NTM: variants seen among roughly 807,000 people sequenced by gnomAD.
The protein encoded by NTM is IgLON family member 2.
A neutral mutation model predicts 42.1 loss-of-function variants in NTM; 13 were observed. That is an observed-to-expected ratio of 0.31 (90% CI 0.20 to 0.49). NTM has a LOEUF of 0.49. Among genes scored for constraint, NTM ranks in the 20% least tolerant of loss-of-function variants. The pLI is 0.99. For missense variants in NTM, 373 were observed against 452.8 expected, an observed-to-expected ratio of 0.82 and a Z score of 1.60; for synonymous variants, 187 against 179.2, an observed-to-expected ratio of 1.04 and a Z score of -0.35.
chr11:131,738,393 T>G (rs943298937), intron 1 of NTM, among the ~76,000 whole-genome samples: 1 of 152,222 alleles, frequency 6.6e-6, no homozygotes, highest in Non-Finnish European at 1.5e-5. Flanking sequence ...CTCTACACAT[T>G]TCCCATTACC....
intron 1 of NTM, among the ~76,000 whole-genome samples, chr11:131,451,919 G>A (rs973993643): frequency 1.3e-5 from 2 of 152,110 alleles, no homozygotes; most frequent in African/African-American, 4.8e-5. Flanking sequence ...GTGGAGGGAG[G>A]GGCATGAGGC....
At chr11:131,964,365 A>G (rs2062574394) in intron 2 of NTM, among the ~76,000 whole-genome samples, 1 of 152,152 alleles carries the variant, frequency 6.6e-6, no homozygotes, top group Non-Finnish European at 1.5e-5. Context: ...GTGTATTTTT[A>G]ACTAAAATAT....
At chr11:131,731,072 A>G (rs1199433908) in intron 1 of NTM, among the ~76,000 whole-genome samples, 1 of 152,054 alleles carries the variant, frequency 6.6e-6, no homozygotes, top group South Asian at 2.1e-4. Flanking sequence ...TTCTCTTATG[A>G]TTTTTTATGC....
At chr11:132,190,421 G>T (rs1300772634) in intron 3 of NTM, among the ~76,000 whole-genome samples, 1 of 152,088 alleles carries the variant, frequency 6.6e-6, no homozygotes, top group African/African-American at 2.4e-5. Flanking sequence ...AAGGCCTGAA[G>T]GTTCTTAACC....
At chr11:131,887,644 C>T (rs1452764560) in intron 1 of NTM, among the ~76,000 whole-genome samples, 2 of 152,348 alleles carry the variant, frequency 1.3e-5, no homozygotes, top group Admixed American at 6.5e-5. Flanking sequence ...TAGATGGACT[C>T]ATCTTCAAAA....
At chr11:131,552,699 T>G (rs937117695) in intron 1 of NTM, among the ~76,000 whole-genome samples, 1 of 150,536 alleles carries the variant, frequency 6.6e-6, no homozygotes, top group Admixed American at 6.7e-5. Context: ...GCGCCTGTAG[T>G]CCCAGCAACA....
chr11:131,573,946 G>A (rs182772854), intron 1 of NTM, among the ~76,000 whole-genome samples: 4 of 152,288 alleles, frequency 2.6e-5, no homozygotes, highest in Admixed American at 2.0e-4. Context: ...CCCATCACAT[G>A]AGCCACAGCA....
At chr11:131,639,028 G>A (rs1301442274) in intron 1 of NTM, among the ~76,000 whole-genome samples, 2 of 152,184 alleles carry the variant, frequency 1.3e-5, no homozygotes, top group African/African-American at 2.4e-5. Flanking sequence ...TTTGATATAT[G>A]AGAATACTGA....
intron 1 of NTM, among the ~76,000 whole-genome samples, chr11:131,374,179 C>T (rs1941631145): frequency 6.6e-6 from 1 of 152,202 alleles, no homozygotes; most frequent in African/African-American, 2.4e-5. Context: ...GGAGCCTCAT[C>T]GAATGGAACC....
intron 3 of NTM, among the ~76,000 whole-genome samples, chr11:132,167,387 T>C (rs1209445205): frequency 2.0e-5 from 3 of 152,192 alleles, no homozygotes; most frequent in Non-Finnish European, 2.9e-5. Context: ...TCATCTTGAC[T>C]TGCCTCCCTC....
chr11:131,444,260 A>G (rs1418605788), intron 1 of NTM, among the ~76,000 whole-genome samples: 1 of 151,484 alleles, frequency 6.6e-6, no homozygotes, highest in Non-Finnish European at 1.5e-5. Flanking sequence ...GAAAGAAGAA[A>G]TGGAAGAAAC....
At chr11:131,662,887 A>G (rs1297977408) in intron 1 of NTM, among the ~76,000 whole-genome samples, 3 of 152,120 alleles carry the variant, frequency 2.0e-5, no homozygotes, top group Non-Finnish European at 4.4e-5. Flanking sequence ...TCCCATTAAT[A>G]AGGAGGTAAT....
rs183956826 is a variant in NTM, at chr11:131,669,326, G to A, written c.83-242238G>A. Among the ~76,000 whole-genome samples the A allele has an allele frequency of 7.8e-4, 119 of 152,322 alleles. 1 individual carries two copies. Among genetic ancestry groups the A allele is most frequent in the African/African-American group, 2.5e-3 (106 of 41,580 alleles). ...ATCAGCCAAGCTGAAACCCTGGCTC[G>A]CCATGATTGGAAAAGTCCCGTAGCC... On this transcript the variant is annotated intron_variant, in intron 1 of 8. Transcript: ENST00000683400.
intron 3 of NTM, among the ~76,000 whole-genome samples, chr11:132,208,758 T>C (rs1285946725): frequency 1.3e-5 from 2 of 152,206 alleles, no homozygotes; most frequent in African/African-American, 4.8e-5. Flanking sequence ...AAATGTACTT[T>C]AAGCACACTT....
intron 1 of NTM, among the ~76,000 whole-genome samples, chr11:131,854,654 G>A (rs1370069424): frequency 6.6e-6 from 1 of 152,074 alleles, no homozygotes; most frequent in African/African-American, 2.4e-5. Context: ...CGGGAGATAG[G>A]GGAAAAATTA....
intron 1 of NTM, among the ~76,000 whole-genome samples, chr11:131,489,770 A>C (rs1030659434): frequency 6.6e-6 from 1 of 152,204 alleles, no homozygotes; most frequent in Admixed American, 6.5e-5. Context: ...TAGCATTTTC[A>C]ATTTTACCTG....
At chr11:131,973,546 G>A (rs567215217) in intron 2 of NTM, among the ~76,000 whole-genome samples, 12 of 152,338 alleles carry the variant, frequency 7.9e-5, no homozygotes, top group South Asian at 4.1e-4. Flanking sequence ...CAGGCCAGGC[G>A]CTGTGGCTCA....
chr11:131,691,918 A>T (rs371194324), intron 1 of NTM, among the ~76,000 whole-genome samples: 2 of 152,316 alleles, frequency 1.3e-5, no homozygotes, highest in South Asian at 4.1e-4. Flanking sequence ...TAAATGAAGA[A>T]GTTGAACACT....
intron 1 of NTM, among the ~76,000 whole-genome samples, chr11:131,866,509 A>G (rs1049231710): frequency 1.3e-5 from 2 of 152,232 alleles, no homozygotes; most frequent in African/African-American, 4.8e-5. Flanking sequence ...TCCAAATCCC[A>G]AAGGAATGAG....
Sources: gnomAD v4.1 joint callset for allele counts (sites outside exome capture counted in the v4.1 genomes callset) on GRCh38, gnomAD v4.1.1 for gene constraint, MANE v1.5 for transcripts, NCBI Gene and HGNC (gene_info 2026-07-23, HGNC 2026-07-21) for gene names.